Variants in HIVEP3 observed in about 807,000 individuals in gnomAD.
HIVEP3 encodes HIVEP zinc finger 3.
Under a neutral mutation model 152.8 loss-of-function variants are expected in HIVEP3, and 49 were observed. The ratio of observed to expected loss-of-function variants is 0.32; its 90% CI spans 0.26 to 0.41. The LOEUF is 0.41. HIVEP3 is among the 10% of genes least tolerant of loss of function. HIVEP3 has a pLI of 1.00. For synonymous variants in HIVEP3, 1,269 were observed against 1,289.0 expected (o/e 0.98, Z 0.33); for missense variants, 2,790 against 3,103.3 (o/e 0.90, Z 2.40).
At chr1:41,665,111 C>G (rs916194158) in intron 2 of HIVEP3, among the ~76,000 whole-genome samples, 8 of 152,174 alleles carry the variant, frequency 5.3e-5, no homozygotes, top group African/African-American at 1.9e-4. Flanking sequence ...GCCCCCACCT[C>G]AGTTCTGGTG....
intron 5 of HIVEP3, among the ~76,000 whole-genome samples, chr1:41,547,780 T>TGA (rs760437538): frequency 6.6e-6 from 1 of 152,112 alleles, no homozygotes; most frequent in Non-Finnish European, 1.5e-5. Flanking sequence ...CTCACAAAAG[T>TGA]GAGATGAGTG....
chr1:41,566,813 T>C (rs1266974888), intron 5 of HIVEP3, among the ~76,000 whole-genome samples: 1 of 152,128 alleles, frequency 6.6e-6, no homozygotes, highest in Non-Finnish European at 1.5e-5. Flanking sequence ...TGGCGATTCC[T>C]CCTCAATCTC....
At chr1:41,786,404 G>C (rs1649350294) in intron 1 of HIVEP3, among the ~76,000 whole-genome samples, 1 of 152,108 alleles carries the variant, frequency 6.6e-6, no homozygotes, top group Non-Finnish European at 1.5e-5. Context: ...TAGCCCTGAG[G>C]CTGCTCATCT....
chr1:41,747,940 A>G (rs1228457476), intron 1 of HIVEP3, among the ~76,000 whole-genome samples: 2 of 152,372 alleles, frequency 1.3e-5, no homozygotes, highest in African/African-American at 4.8e-5. Context: ...GTCTTAAGGC[A>G]GTAATCAGAT....
In HIVEP3 at chr1:41,562,573, CT is replaced by C. The variant is rs1644085504; in HGVS notation, c.5207+12970del. On this transcript the variant is annotated intron_variant, in intron 5 of 8. Coordinates refer to ENST00000372583, the MANE Select transcript of HIVEP3 (RefSeq NM_024503.5). ...TCCTTCCTTCTTTCCTTCTTTCCTT[CT>C]TTTCCTTCCTTCCTTCCTTCCTTTC... 6.4e-5 allele frequency among the ~76,000 whole-genome samples: 9 copies of C among 140,648 alleles called. No homozygotes were observed. In the South Asian group the frequency reaches 1.2e-3, roughly 19 times the overall value. The allele number at this position is 140,648 out of a possible 152,430, so 92.3% of individuals were successfully genotyped here. A position where few individuals can be genotyped will look rare whatever the true frequency, so the allele number is the denominator to read the frequency against.
intron 1 of HIVEP3, among the ~76,000 whole-genome samples, chr1:41,967,360 A>G (rs1323205372): frequency 6.6e-6 from 1 of 152,252 alleles, no homozygotes; most frequent in African/African-American, 2.4e-5. Flanking sequence ...CTCTCAGATC[A>G]TAGCGCCATC....
chr1:41,922,982 C>A (rs1644949330), upstream of HIVEP3, among the ~76,000 whole-genome samples: 1 of 151,510 alleles, frequency 6.6e-6, no homozygotes. Context: ...GATGACAAAA[C>A]AAAAACAGTA....
chr1:41,617,904 C>A (rs1054334092), intron 3 of HIVEP3, among the ~76,000 whole-genome samples: 1 of 152,178 alleles, frequency 6.6e-6, no homozygotes, highest in African/African-American at 2.4e-5. Flanking sequence ...TCTTCTTTTA[C>A]AAAAGAGCCC....
At chr1:41,607,886 C>T (rs1299974982) in intron 3 of HIVEP3, among the ~76,000 whole-genome samples, 1 of 152,198 alleles carries the variant, frequency 6.6e-6, no homozygotes, top group Non-Finnish European at 1.5e-5. Context: ...ATATCCACAG[C>T]ACATGACTTC....
chr1:41,707,098 GC>G (rs1271921551), intron 1 of HIVEP3, among the ~76,000 whole-genome samples: 4 of 152,232 alleles, frequency 2.6e-5, no homozygotes, highest in Non-Finnish European at 5.9e-5. Context: ...TCTGGTGGAA[GC>G]TGTGCTGGGT....
chr1:41,609,725 T>G (rs1644871609), intron 3 of HIVEP3, among the ~76,000 whole-genome samples: 1 of 152,248 alleles, frequency 6.6e-6, no homozygotes, highest in Admixed American at 6.5e-5. Context: ...AGCTGGAGAA[T>G]TCTCAGAACA....
chr1:41,612,336 G>A (rs894085628), intron 3 of HIVEP3, among the ~76,000 whole-genome samples: 5 of 152,150 alleles, frequency 3.3e-5, no homozygotes, highest in Admixed American at 2.0e-4. Flanking sequence ...GCCGCCTTAC[G>A]TTAGTGCAGT....
chr1:41,559,546 C>T (rs769593067), intron 5 of HIVEP3, among the ~76,000 whole-genome samples: 19 of 152,248 alleles, frequency 1.2e-4, no homozygotes, highest in Non-Finnish European at 2.2e-4. Context: ...GCAAGGGAGC[C>T]GAAGGCACAT....
At chr1:41,864,842 C>T (rs114435966) in intron 1 of HIVEP3, among the ~76,000 whole-genome samples, 1 of 152,230 alleles carries the variant, frequency 6.6e-6, no homozygotes, top group African/African-American at 2.4e-5. Context: ...AAGGGGGTTA[C>T]GCTTCAGCGC....
intron 3 of HIVEP3, among the ~76,000 whole-genome samples, chr1:41,615,313 TC>T (rs1644951222): frequency 6.6e-6 from 1 of 152,230 alleles, no homozygotes; most frequent in African/African-American, 2.4e-5. Context: ...ATGGTTTATG[TC>T]CTGAACTTGG....
intron 5 of HIVEP3, among the ~76,000 whole-genome samples, chr1:41,560,014 A>G (rs1644034078): frequency 6.6e-6 from 1 of 152,226 alleles, no homozygotes; most frequent in African/African-American, 2.4e-5. Context: ...CTAGATTTTC[A>G]TGCAGGTGGT....
At chr1:41,633,929 A>G (rs1645233179) in intron 2 of HIVEP3, among the ~76,000 whole-genome samples, 1 of 152,196 alleles carries the variant, frequency 6.6e-6, no homozygotes, top group Non-Finnish European at 1.5e-5. Flanking sequence ...GGGAGCTGGC[A>G]TTTGACAGTC....
rs140630636 is a variant in HIVEP3 at position 41,872,593 on chromosome 1, T to C, written c.-801+45820A>G. On this transcript the variant is annotated intron_variant, in intron 1 of 8. Coordinates refer to ENST00000372583, the MANE Select transcript of HIVEP3 (RefSeq NM_024503.5). ...CCCCAAGGCAACCATAGTTTTGACA[T>C]TCCCCCTATAGATTAGTTTTGCCTA... Among the ~76,000 whole-genome samples, 60 of 152,338 alleles carry C rather than the reference T, an allele frequency of 3.9e-4. 1 individual carries two copies. In the East Asian group the frequency reaches 0.011, roughly 27 times the overall value.
At chr1:41,528,747 T>C (rs1229957498) in intron 5 of HIVEP3, among the ~76,000 whole-genome samples, 9 of 63,206 alleles carry the variant, frequency 1.4e-4, no homozygotes, top group Non-Finnish European at 1.9e-4. Context: ...CACCCTCACA[T>C]ACTCCATCCT....
Sources: allele counts gnomAD v4.1 joint callset (sites outside exome capture counted in the v4.1 genomes callset), GRCh38; gene constraint gnomAD v4.1.1; transcripts MANE v1.5; gene names NCBI Gene and HGNC (gene_info 2026-07-23, HGNC 2026-07-21).